Variants in SLMAP observed in about 807,000 individuals in gnomAD.
SLMAP encodes sarcolemma associated protein, also known as sarcolemmal membrane-associated protein.
A neutral mutation model predicts 128.8 loss-of-function variants in SLMAP; 44 were observed. The ratio of observed to expected loss-of-function variants is 0.34; its 90% CI spans 0.27 to 0.44. The LOEUF (loss-of-function observed/expected upper bound fraction) is 0.44. Ranked by LOEUF, SLMAP falls within the 20% of genes least tolerant of loss-of-function variation. The probability of loss-of-function intolerance (pLI) is 1.00; values close to 1 mark genes in which losing one functional copy is unlikely to be tolerated. For missense variants in SLMAP, 787 were observed against 985.3 expected (o/e 0.80, Z 2.69); for synonymous variants, 327 against 348.8 (o/e 0.94, Z 0.70).
In SLMAP at chr3:57,840,730, A is replaced by G. The variant is rs562815328; in HGVS notation, c.347-569A>G. Among the ~76,000 whole-genome samples the G allele has an allele frequency of 2.2e-3, 341 of 152,362 alleles. 1 individual carries two copies. The highest frequency in any genetic ancestry group is 2.6e-3 in the Non-Finnish European group (180 of 68,032). ...ACAAAACAAAATTTTAAATATTGAA[A>G]TGGAAACATGAGACACTAGCAAACA... On this transcript the variant is annotated intron_variant, in intron 3 of 24. Coordinates refer to ENST00000671191, the MANE Select transcript of SLMAP (RefSeq NM_001377540.1).
At chr3:57,851,232 C>T (rs1033326690) in intron 6 of SLMAP, among the ~76,000 whole-genome samples, 2 of 152,188 alleles carry the variant, frequency 1.3e-5, no homozygotes, top group African/African-American at 2.4e-5. Context: ...TGTGTAACTA[C>T]TGTGCTGTGC....
At chr3:57,815,428 C>G (rs1415386304) in intron 2 of SLMAP, among the ~76,000 whole-genome samples, 1 of 151,974 alleles carries the variant, frequency 6.6e-6, no homozygotes, top group African/African-American at 2.4e-5. Context: ...TGACTTCCTT[C>G]TATGCAGTAG....
At chr3:57,760,140 A>G (rs2153426552) in intron 2 of SLMAP, among the ~76,000 whole-genome samples, 1 of 152,302 alleles carries the variant, frequency 6.6e-6, no homozygotes, top group South Asian at 2.1e-4. Flanking sequence ...GGGTTTCACC[A>G]TGTTGGCCAG....
intron 2 of SLMAP, among the ~76,000 whole-genome samples, chr3:57,799,817 T>C (rs1022195951): frequency 5.3e-5 from 8 of 152,118 alleles, no homozygotes; most frequent in Non-Finnish European, 8.8e-5. Flanking sequence ...TTGGTTTGCT[T>C]GTTTGTTTTA....
At position 57,925,943 on chromosome 3, in the gene SLMAP, A is replaced by C; in HGVS notation, c.*6+9A>C. 6.5e-7 allele frequency: 1 copy of C among 1,541,126 alleles called. No individual in the cohort carries two copies. The highest frequency in any genetic ancestry group is 8.8e-7 in the Non-Finnish European group (1 of 1,138,180). On this transcript the variant is annotated intron_variant, in intron 24 of 24. Transcript: ENST00000671191. ...CATTGTGGTAGAGAAAGGTACAAGC[A>C]CTATTGTTGAGTCCTTGTCTGTTTG...
rs2095482597 is a variant in SLMAP at position 57,871,667 on chromosome 3, C to T, written c.1269C>T (p.Cys423=). ...EHLLSKSGGD[C]TFIHQFIECQ... is the part of the protein sequence containing the mutation. ...TGCTTTCAAAGAGTGGCGGGGACTG[C>T]ACTTTTATTCATCAATTCATAGAAT... is the stretch of plus-strand genomic sequence containing the variant. The change falls in exon 14 of 25, where the codon TGC becomes TGT. Residue 423 remains cysteine, a synonymous_variant. Transcript: ENST00000671191. 1 of 1,612,168 alleles carries T rather than the reference C, an allele frequency of 6.2e-7. No individual in the cohort carries two copies.
At position 57,764,356 on chromosome 3, in the gene SLMAP, A is replaced by G. The variant is rs537671465; in HGVS notation, c.198+6507A>G. ...ACCTCTACGAAAAATACAAAAATTAACCAAGTGTGGTGGCATGAACCTGAA... is the reference window on the plus strand; with the variant it reads ...ACCTCTACGAAAAATACAAAAATTAGCCAAGTGTGGTGGCATGAACCTGAA... On this transcript the variant is annotated intron_variant, in intron 2 of 24. Transcript: ENST00000671191. Among the ~76,000 whole-genome samples, 3 of 152,066 alleles carry G rather than the reference A, an allele frequency of 2.0e-5. No homozygotes were observed. The South Asian group carries it at 6.2e-4, about 32-fold the overall frequency.
intron 4 of SLMAP, among the ~76,000 whole-genome samples, chr3:57,845,557 A>T (rs1417399158): frequency 1.3e-5 from 2 of 152,190 alleles, no homozygotes; most frequent in Non-Finnish European, 2.9e-5. Context: ...TCAACCTTCA[A>T]GCTAACCATT....
At chr3:57,778,143 C>T (rs183003780) in intron 2 of SLMAP, among the ~76,000 whole-genome samples, 2 of 152,304 alleles carry the variant, frequency 1.3e-5, no homozygotes, top group Admixed American at 1.3e-4. Context: ...ATGTTGTAAA[C>T]TATAAGTTCA....
At chr3:57,927,260 G>T in intron 24 of SLMAP, 36 bp from the exon 25 acceptor site, 1 of 1,384,918 alleles carries the variant, frequency 7.2e-7, no homozygotes, top group Non-Finnish European at 1.0e-6. Context: ...AGAGAGGGGA[G>T]AATGTGATAT....
At chr3:57,792,431 G>A (rs910559251) in intron 2 of SLMAP, among the ~76,000 whole-genome samples, 1 of 151,708 alleles carries the variant, frequency 6.6e-6, no homozygotes, top group Non-Finnish European at 1.5e-5. Flanking sequence ...TAAGTTAGGG[G>A]ACTGTCTTAT....
intron 17 of SLMAP, chr3:57,902,148 C>T (rs909408276): frequency 1.3e-5 from 2 of 152,130 alleles, no homozygotes; most frequent in African/African-American, 4.8e-5. Context: ...AATTTTAATA[C>T]TGACTGAATA....
intron 2 of SLMAP, among the ~76,000 whole-genome samples, chr3:57,761,684 GT>G (rs2078671927): frequency 6.6e-6 from 1 of 152,196 alleles, no homozygotes. Flanking sequence ...GGGGTAATAT[GT>G]GCTTTGGGTG....
intron 17 of SLMAP, among the ~76,000 whole-genome samples, chr3:57,902,942 A>T (rs2096430293): frequency 2.0e-5 from 3 of 152,174 alleles, no homozygotes; most frequent in Admixed American, 2.0e-4. Flanking sequence ...ATGCAGCTGG[A>T]TGTGCAGAAC....
In SLMAP at chr3:57,858,999, C is replaced by T. The variant is rs564266769; in HGVS notation, c.687+840C>T. Among the ~76,000 whole-genome samples the T allele has an allele frequency of 4.6e-5, 7 of 152,182 alleles. No homozygotes were observed. The South Asian group carries it at 1.0e-3, about 23-fold the overall frequency. ...AAATAATGATGTAATTCTGTTATTC[C>T]TTCACTTATTTAGCTGGGTTACTTC... is the stretch of plus-strand genomic sequence containing the variant. On this transcript the variant is annotated intron_variant, in intron 8 of 24. Transcript: ENST00000671191.
intron 21 of SLMAP, among the ~76,000 whole-genome samples, chr3:57,915,554 A>G (rs1234830049): frequency 2.0e-5 from 3 of 152,184 alleles, no homozygotes; most frequent in African/African-American, 7.2e-5. Flanking sequence ...ACAACATCAG[A>G]CCCACCCCAA....
At chr3:57,764,637 A>G (rs995368548) in intron 2 of SLMAP, among the ~76,000 whole-genome samples, 2 of 152,206 alleles carry the variant, frequency 1.3e-5, no homozygotes, top group African/African-American at 2.4e-5. Context: ...ACTGGGCCCT[A>G]TTCTAAATGC....
chr3:57,862,132 A>T, intron 10 of SLMAP, 46 bp downstream of exon 10: 1 of 1,458,084 alleles, frequency 6.9e-7, no homozygotes, highest in Non-Finnish European at 9.5e-7. Flanking sequence ...AATAATCCCT[A>T]ACACACTAGA....
intron 17 of SLMAP, chr3:57,899,339 G>C (rs1237098725): frequency 1.3e-5 from 2 of 152,214 alleles, no homozygotes; most frequent in Non-Finnish European, 2.9e-5. Flanking sequence ...TGTGGAGCTG[G>C]CGGCCTGTGT....
Sources: gnomAD v4.1 joint callset for allele counts (sites outside exome capture counted in the v4.1 genomes callset) on GRCh38, gnomAD v4.1.1 for gene constraint, MANE v1.5 for transcripts, NCBI Gene and HGNC (gene_info 2026-07-23, HGNC 2026-07-21) for gene names.